The following HCRTR1 variants were observed in gnomAD, a reference collection of about 807,000 sequenced individuals.
HCRTR1 encodes orexin/Hypocretin receptor type 1.
In HCRTR1, 28 loss-of-function variants were observed where a neutral mutation model predicts 40.6. The observed-to-expected ratio is 0.69, with a 90% CI of 0.51 to 0.95. The LOEUF is 0.95. Among genes scored for constraint, HCRTR1 ranks in the 40% least tolerant of loss-of-function variants. The pLI is 0.00. For missense variants in HCRTR1, 482 were observed against 564.7 expected (o/e 0.85, Z 1.48); for synonymous variants, 209 against 230.0 (o/e 0.91, Z 0.83).
In HCRTR1 at chr1:31,626,163, A is replaced by G. The variant is rs1639972313; in HGVS notation, c.1088-627A>G. The stretch of plus-strand genomic sequence containing the variant: ...CTGACAAAATCTGTTTCCCTGGTAT[A>G]CTTGGGCTGAATAATGTGGTGTGGT... On this transcript the variant is annotated intron_variant, in intron 8 of 8. Transcript: ENST00000403528. The surrounding 1 kb of genome is among the most constrained non-coding windows in gnomAD (Gnocchi z 4.6). Among the ~76,000 whole-genome samples the G allele has an allele frequency of 6.6e-6, 1 of 152,164 alleles. No individual in the cohort carries two copies. The highest frequency in any genetic ancestry group is 2.1e-4 in the South Asian group (1 of 4,826).
At chr1:31,632,698 C>T (rs543617707), downstream of HCRTR1, 97 of 1,564,484 alleles carry the variant, frequency 6.2e-5, no homozygotes, top group African/African-American at 1.3e-3. Flanking sequence ...CAAGGGTCCC[C>T]CTCAGGACCC....
downstream of HCRTR1, chr1:31,630,813 G>A (rs1640078384): frequency 6.2e-7 from 1 of 1,611,720 alleles, no homozygotes; most frequent in Non-Finnish European, 8.5e-7. Flanking sequence ...GTGAACTGGG[G>A]GCTCAGGTTG....
chr1:31,631,747 G>A (rs756031559), downstream of HCRTR1, among the ~76,000 whole-genome samples: 25 of 152,190 alleles, frequency 1.6e-4, no homozygotes, highest in Non-Finnish European at 3.4e-4. Context: ...ACAAAAGCTG[G>A]CAAGAGTAGG....
At chr1:31,632,333 G>T, downstream of HCRTR1, 1 of 1,236,178 alleles carries the variant, frequency 8.1e-7, no homozygotes, top group Non-Finnish European at 1.2e-6. Context: ...TGCCCCAGCT[G>T]GGTCAAAGAA....
chr1:31,633,016 A>G (rs923785518), downstream of HCRTR1: 3 of 983,438 alleles, frequency 3.1e-6, no homozygotes, highest in Non-Finnish European at 4.4e-6. Flanking sequence ...AGGGGATCTC[A>G]CCCTGAACCT....
chr1:31,620,077 G>T (rs994897003), intron 4 of HCRTR1, among the ~76,000 whole-genome samples: 1 of 152,226 alleles, frequency 6.6e-6, no homozygotes, highest in African/African-American at 2.4e-5. Context: ...AGGGGCAGAC[G>T]TGAGGGGCCT....
chr1:31,623,873 T>A (rs989411433), intron 7 of HCRTR1, 124 bp downstream of exon 7: 18 of 681,306 alleles, frequency 2.6e-5, no homozygotes, highest in African/African-American at 7.2e-5. Flanking sequence ...AGGCCATTTC[T>A]CTTCTCTGAG....
At chr1:31,632,421 T>G (rs1277201087), downstream of HCRTR1, 1 of 1,606,404 alleles carries the variant, frequency 6.2e-7, no homozygotes, top group East Asian at 2.2e-5. Flanking sequence ...AGGAAACCCC[T>G]TTGTTGTATC....
chr1:31,626,215 A>G lies in HCRTR1; in HGVS notation c.1088-575A>G, dbSNP rs1211584974. Among the ~76,000 whole-genome samples the G allele has an allele frequency of 1.1e-4, 16 of 152,082 alleles. No individual in the cohort carries two copies. The highest frequency in any genetic ancestry group is 4.4e-5 in the Non-Finnish European group (3 of 68,014). ...GTCCCTCCTTCCCTCCTCCCCCTTG[A>G]GAAGGGCTTTGGAATTAGAATTGGG... On this transcript the variant is annotated intron_variant, in intron 8 of 8. Transcript: ENST00000403528. The surrounding 1 kb of genome is among the most constrained non-coding windows in gnomAD (Gnocchi z 4.6).
In HCRTR1 at chr1:31,625,414, C is replaced by T. The variant is rs1335631729; in HGVS notation, c.1087+296C>T. Reference sequence around the variant, plus strand: ...TCACCCCCAACTCCCACCCTGGGTGCAGGCACAGCAAGACCTCCAATCAGC... The same window carrying T: ...TCACCCCCAACTCCCACCCTGGGTGTAGGCACAGCAAGACCTCCAATCAGC... On this transcript the variant is annotated intron_variant, in intron 8 of 8. Coordinates refer to ENST00000403528, the MANE Select transcript of HCRTR1 (RefSeq NM_001525.3). This position sits in a 1 kb window ranked among gnomAD's most constrained non-coding sequence, Gnocchi z 4.2. Among the ~76,000 whole-genome samples, 1 of 152,230 alleles carries T rather than the reference C, an allele frequency of 6.6e-6. No homozygotes were observed. The highest frequency in any genetic ancestry group is 6.5e-5 in the Admixed American group (1 of 15,284).
Position 31,619,592 on chromosome 1 carries a change from A to G in HCRTR1, c.260A>G (p.Asn87Ser), listed in dbSNP as rs1639808864. 12 of 1,614,006 alleles carry G rather than the reference A, an allele frequency of 7.4e-6. No homozygotes were observed. Among genetic ancestry groups the G allele is most frequent in the South Asian group, 1.1e-5 (1 of 91,066 alleles). Reference sequence around the variant, plus strand: ...ACAGTCACCAACTACTTCATTGTCAACCTGTCCCTGGCTGACGTTCTGGTG... The same window carrying G: ...ACAGTCACCAACTACTTCATTGTCAGCCTGTCCCTGGCTGACGTTCTGGTG... ...MRTVTNYFIVNLSLADVLVTA... is the reference protein window; with the variant it reads ...MRTVTNYFIVSLSLADVLVTA... Residue 87 changes from asparagine to serine, a missense_variant, in exon 4 of 9, where the codon AAC becomes AGC. Transcript: ENST00000403528.
chr1:31,621,586 C>A lies in HCRTR1; in HGVS notation c.732C>A (p.Gly244=). ...AYFQIFRKLW[G]RQIPGTTSAL... is the part of the protein sequence containing the mutation. The stretch of plus-strand genomic sequence containing the variant: ...TCCAGATATTCCGCAAGCTCTGGGG[C>A]CGCCAGGTGAGGCCCACTCTGGGCA... Residue 244 remains glycine (G), a synonymous_variant, in exon 6 of 9, where the codon GGC becomes GGA. Coordinates refer to ENST00000403528, the MANE Select transcript of HCRTR1 (RefSeq NM_001525.3). 1 of 1,611,292 alleles carries A rather than the reference C, an allele frequency of 6.2e-7. No individual in the cohort carries two copies. Among genetic ancestry groups the A allele is most frequent in the Non-Finnish European group, 8.5e-7 (1 of 1,178,636 alleles).
chr1:31,618,973 C>A (rs745687549), intron 2 of HCRTR1, 78 bp from the exon 3 acceptor site: 27 of 571,572 alleles, frequency 4.7e-5, no homozygotes, highest in Non-Finnish European at 7.2e-5. Flanking sequence ...GGAACTTATA[C>A]GCAAAGCGCC....
At chr1:31,621,832 C>T (rs1343041207) in intron 6 of HCRTR1, among the ~76,000 whole-genome samples, 1 of 152,228 alleles carries the variant, frequency 6.6e-6, no homozygotes, top group Non-Finnish European at 1.5e-5. Flanking sequence ...AGTATCCACT[C>T]CCAGATAATC....
At chr1:31,632,744 G>A (rs1280723354), downstream of HCRTR1, 93 of 1,352,424 alleles carry the variant, frequency 6.9e-5, no homozygotes, top group South Asian at 5.2e-4. Context: ...TGGAGTAGGC[G>A]ACTTCACAGA....
chr1:31,627,444 C>T lies in HCRTR1; in HGVS notation c.*464C>T. 2 of 1,042,496 alleles carry T rather than the reference C, an allele frequency of 1.9e-6. No homozygotes were observed. The highest frequency in any genetic ancestry group is 1.3e-5 in the South Asian group (1 of 75,954). The allele number at this position is 1,042,496 out of a possible 1,614,324, so 64.6% of individuals were successfully genotyped here. A position where few individuals can be genotyped will look rare whatever the true frequency, so the allele number is the denominator to read the frequency against. On this transcript the variant is annotated 3_prime_UTR_variant, in exon 9 of 9. Transcript: ENST00000403528. ...ATGCCTGTGTGAACTAATCTGGGCC[C>T]AGCCTTTCTCCAGCGGGCCACGAGC...
chr1:31,621,342 T>C (rs1261600325), intron 5 of HCRTR1, 135 bp from the exon 6 acceptor site: 1 of 819,276 alleles, frequency 1.2e-6, no homozygotes, highest in Admixed American at 2.0e-5. Flanking sequence ...GGTCTCTGTC[T>C]GTCATGGTGG....
At chr1:31,630,637 G>T (rs1330841545), downstream of HCRTR1, 5 of 1,612,434 alleles carry the variant, frequency 3.1e-6, no homozygotes, top group Non-Finnish European at 4.2e-6. Context: ...AAGCTGTCAT[G>T]GTGACGAAGT....
chr1:31,629,100 C>T (rs1036056606), downstream of HCRTR1, among the ~76,000 whole-genome samples: 3 of 152,180 alleles, frequency 2.0e-5, no homozygotes, highest in Non-Finnish European at 2.9e-5. Context: ...GGACTATGAA[C>T]GGAATTTTAG....
Sources: gnomAD v4.1 joint callset for allele counts (sites outside exome capture counted in the v4.1 genomes callset) on GRCh38, gnomAD v4.1.1 for gene constraint, Gnocchi (gnomAD v3.1) non-coding constraint, MANE v1.5 for transcripts, NCBI Gene and HGNC (gene_info 2026-07-23, HGNC 2026-07-21) for gene names.